TMPRSS11E: variants seen among roughly 807,000 people sequenced by gnomAD.
TMPRSS11E encodes transmembrane serine protease 11E.
Under a neutral mutation model 48.1 loss-of-function variants are expected in TMPRSS11E, and 38 were observed. The observed-to-expected ratio is 0.79, with a 90% CI of 0.61 to 1.04. TMPRSS11E has a LOEUF of 1.04. Ranked by LOEUF, TMPRSS11E falls within the 50% of genes least tolerant of loss-of-function variation. The probability of loss-of-function intolerance (pLI) is 0.00; values close to 1 mark genes in which losing one functional copy is unlikely to be tolerated. For synonymous variants in TMPRSS11E, 158 were observed against 171.9 expected (o/e 0.92, Z 0.63); for missense variants, 530 against 510.8 (o/e 1.04, Z -0.36).
intron 1 of TMPRSS11E, among the ~76,000 whole-genome samples, chr4:68,451,286 T>A (rs1307412777): frequency 6.6e-6 from 1 of 151,880 alleles, no homozygotes; most frequent in African/African-American, 2.4e-5. Flanking sequence ...CTAAGAACTG[T>A]GAAGAATACT....
intron 9 of TMPRSS11E, among the ~76,000 whole-genome samples, chr4:68,488,056 T>A (rs999324903): frequency 4.6e-5 from 7 of 152,054 alleles, no homozygotes; most frequent in African/African-American, 1.7e-4. Flanking sequence ...ACCCCCTTTG[T>A]ATGTGACCTG....
intron 4 of TMPRSS11E, among the ~76,000 whole-genome samples, chr4:68,470,949 A>G (rs568075145): frequency 4.6e-5 from 7 of 151,976 alleles, no homozygotes; most frequent in African/African-American, 1.7e-4. Context: ...ATTCAAAACC[A>G]CAGTTGATTT....
At chr4:68,475,890 G>A (rs1168095044) in intron 6 of TMPRSS11E, among the ~76,000 whole-genome samples, 1 of 152,164 alleles carries the variant, frequency 6.6e-6, no homozygotes. Context: ...CATAAACAAT[G>A]TCAGTATGTA....
At chr4:68,482,167 T>TAGAGTGGTAGA (rs200589126) in intron 9 of TMPRSS11E, among the ~76,000 whole-genome samples, 1 of 151,316 alleles carries the variant, frequency 6.6e-6, no homozygotes, top group Admixed American at 6.6e-5. Flanking sequence ...GCAAGAGGGA[T>TAGAGTGGTAGA]AGAGGTGCCA....
intron 1 of TMPRSS11E, among the ~76,000 whole-genome samples, chr4:68,455,001 A>G (rs1728590380): frequency 6.6e-6 from 1 of 151,906 alleles, no homozygotes; most frequent in Admixed American, 6.6e-5. Flanking sequence ...GTTAACTAAA[A>G]TTTCCCTACT....
intron 9 of TMPRSS11E, among the ~76,000 whole-genome samples, chr4:68,490,562 T>C (rs988738491): frequency 5.3e-5 from 8 of 151,934 alleles, no homozygotes; most frequent in African/African-American, 1.7e-4. Context: ...GATAACACTC[T>C]GGCTGAAGGT....
chr4:68,462,992 A>T (rs1185355914), intron 2 of TMPRSS11E, among the ~76,000 whole-genome samples: 1 of 152,158 alleles, frequency 6.6e-6, no homozygotes, highest in Non-Finnish European at 1.5e-5. Context: ...TGTTAGTTTA[A>T]TATCTTCCTC....
At chr4:68,465,515 C>G (rs941721373) in intron 2 of TMPRSS11E, among the ~76,000 whole-genome samples, 1 of 152,142 alleles carries the variant, frequency 6.6e-6, no homozygotes, top group African/African-American at 2.4e-5. Context: ...CTATGTCCTG[C>G]TGGACTTGGG....
chr4:68,494,460 A>G (rs1729815349), intron 9 of TMPRSS11E, among the ~76,000 whole-genome samples: 1 of 151,938 alleles, frequency 6.6e-6, no homozygotes, highest in Admixed American at 6.6e-5. Context: ...CATATCTTTT[A>G]TGTTTATTTC....
chr4:68,466,025 A>T (rs1728918094), intron 2 of TMPRSS11E, among the ~76,000 whole-genome samples: 1 of 152,194 alleles, frequency 6.6e-6, no homozygotes, highest in Non-Finnish European at 1.5e-5. Context: ...GGAAAAACAT[A>T]CATGCAGTGA....
At chr4:68,466,914 A>G (rs1161689077) in intron 3 of TMPRSS11E, among the ~76,000 whole-genome samples, 162 bp downstream of exon 3, 1 of 152,138 alleles carries the variant, frequency 6.6e-6, no homozygotes, top group African/African-American at 2.4e-5. Context: ...TGGACAATAC[A>G]TCACTTAGCA....
At chr4:68,490,583 T>C (rs1020400409) in intron 9 of TMPRSS11E, among the ~76,000 whole-genome samples, 1 of 151,974 alleles carries the variant, frequency 6.6e-6, no homozygotes, top group East Asian at 1.9e-4. Context: ...ACTTTGTTAC[T>C]GCTCCCCTTT....
chr4:68,496,920 C>T lies in TMPRSS11E; in HGVS notation c.*116C>T, dbSNP rs1174900168. On this transcript the variant is annotated 3_prime_UTR_variant, in exon 10 of 10. Coordinates refer to ENST00000305363, the MANE Select transcript of TMPRSS11E (RefSeq NM_014058.4). ...CAAAACAGCTAGATTTGACTGATCT[C>T]AATAAACTGTTTGCTTGATGCATGT... 1.4e-5 allele frequency: 15 copies of T among 1,050,206 alleles called. No individual in the cohort carries two copies. The East Asian group carries it at 3.6e-4, about 25-fold the overall frequency. 65.1% of individuals were successfully genotyped at this position (1,050,206 alleles called of 1,614,324 possible).
intron 9 of TMPRSS11E, among the ~76,000 whole-genome samples, chr4:68,487,996 C>G (rs1469797558): frequency 6.8e-6 from 1 of 147,826 alleles, no homozygotes; most frequent in African/African-American, 2.5e-5. Context: ...TCCCCAATCT[C>G]TTTTGGCTTA....
intron 1 of TMPRSS11E, among the ~76,000 whole-genome samples, chr4:68,451,816 C>T (rs1728505684): frequency 6.6e-6 from 1 of 151,054 alleles, no homozygotes; most frequent in Non-Finnish European, 1.5e-5. Context: ...TTTTTTTGCC[C>T]AGGGGTAATA....
chr4:68,471,134 T>C (rs1729052378), intron 4 of TMPRSS11E, among the ~76,000 whole-genome samples: 1 of 151,830 alleles, frequency 6.6e-6, no homozygotes, highest in South Asian at 2.1e-4. Flanking sequence ...ACAGTAGCAA[T>C]ATAGAAGGAA....
At chr4:68,466,555 C>A (rs1560550589) in intron 2 of TMPRSS11E, 76 bp from the exon 3 acceptor site, 3 of 1,519,294 alleles carry the variant, frequency 2.0e-6, no homozygotes, top group East Asian at 2.3e-5. Context: ...TTCCAGCAAC[C>A]ACCAAGCGGG....
At chr4:68,470,190 G>A (rs1029663264) in intron 4 of TMPRSS11E, among the ~76,000 whole-genome samples, 5 of 151,682 alleles carry the variant, frequency 3.3e-5, no homozygotes, top group East Asian at 3.9e-4. Flanking sequence ...TGGAAGCATG[G>A]GTGTAAATTT....
At chr4:68,479,886 T>G (rs1284737901) in intron 9 of TMPRSS11E, among the ~76,000 whole-genome samples, 1 of 152,064 alleles carries the variant, frequency 6.6e-6, no homozygotes, top group Non-Finnish European at 1.5e-5. Flanking sequence ...TCTCTTAGAT[T>G]TTCTTTGTCT....
Sources: gnomAD v4.1 joint callset for allele counts (sites outside exome capture counted in the v4.1 genomes callset) on GRCh38, gnomAD v4.1.1 for gene constraint, MANE v1.5 for transcripts, NCBI Gene and HGNC (gene_info 2026-07-23, HGNC 2026-07-21) for gene names.